Variants in CAPRIN2 observed in about 807,000 individuals in gnomAD.
The protein encoded by CAPRIN2 is caprin family member 2, also known as caprin-2.
CAPRIN2 carries 66 observed loss-of-function variants against 130.4 expected under a neutral mutation model. The observed-to-expected ratio is 0.51, with a 90% CI of 0.42 to 0.62. The LOEUF is 0.62. Ranked by LOEUF, CAPRIN2 falls within the 20% of genes least tolerant of loss-of-function variation. The pLI is 0.00. For synonymous variants in CAPRIN2, 471 were observed against 444.1 expected (o/e 1.06, Z -0.76); for missense variants, 1,185 against 1,246.6 (o/e 0.95, Z 0.74).
intron 1 of CAPRIN2, among the ~76,000 whole-genome samples, chr12:30,752,187 G>C (rs999884742): frequency 2.0e-5 from 3 of 151,908 alleles, no homozygotes; most frequent in African/African-American, 7.3e-5. Flanking sequence ...CTCCCAAAGC[G>C]CAGGGATTAC....
chr12:30,746,877 T>C (rs2070765688), intron 2 of CAPRIN2, among the ~76,000 whole-genome samples: 1 of 152,202 alleles, frequency 6.6e-6, no homozygotes, highest in African/African-American at 2.4e-5. Flanking sequence ...CTAAGATAAT[T>C]GATGGAGCTG....
At chr12:30,731,590 A>T in intron 5 of CAPRIN2, 80 bp from the exon 7 acceptor site, 1 of 1,137,128 alleles carries the variant, frequency 8.8e-7, no homozygotes, top group Non-Finnish European at 1.3e-6. Flanking sequence ...ATTTTATCCT[A>T]GTTGTAGTAC....
At chr12:30,734,015 G>A (rs2063596614) in intron 4 of CAPRIN2, among the ~76,000 whole-genome samples, 1 of 152,164 alleles carries the variant, frequency 6.6e-6, no homozygotes, top group African/African-American at 2.4e-5. Context: ...TCAGGTGTAT[G>A]CCCTACATAA....
chr12:30,710,630 G>A lies in CAPRIN2; in HGVS notation c.2666-160C>T, dbSNP rs2054022258. 2 of 1,131,522 alleles carry A rather than the reference G, an allele frequency of 1.8e-6. No individual in the cohort carries two copies. Among genetic ancestry groups the A allele is most frequent in the Non-Finnish European group, 2.4e-6 (2 of 822,704 alleles). 70.1% of individuals were successfully genotyped at this position (1,131,522 alleles called of 1,614,324 possible). On this transcript the variant is annotated intron_variant, in intron 16 of 16. Transcript: ENST00000298892. The surrounding 1 kb of genome is among the most constrained non-coding windows in gnomAD (Gnocchi z 4.8). ...AGATTATACTTTTCTAGATTTTTCT[G>A]GTAATAGGTTTTTACATACTCTTCT... is the stretch of plus-strand genomic sequence containing the variant.
At chr12:30,727,699 A>G (rs1038264624) in intron 8 of CAPRIN2, among the ~76,000 whole-genome samples, 2 of 152,266 alleles carry the variant, frequency 1.3e-5, no homozygotes, top group African/African-American at 4.8e-5. Flanking sequence ...TATCCTTAAA[A>G]GAATGTGGCC....
In CAPRIN2 at chr12:30,741,126, A is replaced by T. The variant is rs769582663; in HGVS notation, c.484-20T>A. 6.8e-7 allele frequency: 1 copy of T among 1,464,726 alleles called. No homozygotes were observed. Among genetic ancestry groups the T allele is most frequent in the African/African-American group, 1.4e-5 (1 of 71,452 alleles). 90.7% of individuals were successfully genotyped at this position (1,464,726 alleles called of 1,614,324 possible). ...AGCTTCCTACCAAATAGGATAAGAA[A>T]ACATAAATTTTGTGACTGTTTAAGT... On this transcript the variant is annotated intron_variant, in intron 2 of 16. Transcript: ENST00000298892.
At chr12:30,752,572 T>TAAAAAAA (rs201247925) in intron 1 of CAPRIN2, among the ~76,000 whole-genome samples, 3 of 129,322 alleles carry the variant, frequency 2.3e-5, no homozygotes, top group Non-Finnish European at 3.2e-5. Flanking sequence ...TTTCTTAGGT[T>TAAAAAAA]AAAAAAAAAA....
chr12:30,742,673 C>CT (rs2068062826), intron 2 of CAPRIN2, among the ~76,000 whole-genome samples: 2 of 146,300 alleles, frequency 1.4e-5, no homozygotes, highest in Admixed American at 1.4e-4. Flanking sequence ...AAACACAACT[C>CT]TAACAGGGCA....
chr12:30,723,844 C>G (rs988513214), intron 10 of CAPRIN2, among the ~76,000 whole-genome samples: 2 of 152,210 alleles, frequency 1.3e-5, no homozygotes. Context: ...CACCAATCTT[C>G]AAGCTGGTAT....
intron 3 of CAPRIN2, 134 bp downstream of exon 4, chr12:30,740,886 C>T: frequency 1.7e-6 from 1 of 599,058 alleles, no homozygotes; most frequent in Non-Finnish European, 2.9e-6. Context: ...CCTCAACCTT[C>T]CATCACGATA....
At chr12:30,720,902 G>A in exon 12 of CAPRIN2, 1 of 1,611,362 alleles carries the variant, frequency 6.2e-7, no homozygotes, top group Non-Finnish European at 8.5e-7. Context: ...ACAAGTAACT[G>A]GAGAAGAAGT....
intron 12 of CAPRIN2, among the ~76,000 whole-genome samples, chr12:30,717,511 C>T (rs944885040): frequency 6.6e-6 from 1 of 151,706 alleles, no homozygotes; most frequent in Non-Finnish European, 1.5e-5. Context: ...GATGATTGCA[C>T]ATTATGAATA....
chr12:30,720,890 C>T (rs1168168916), exon 12 of CAPRIN2: 1 of 1,613,252 alleles, frequency 6.2e-7, no homozygotes, highest in South Asian at 1.1e-5. Context: ...AGCATTTGAG[C>T]TACAAGTAAC....
At chr12:30,753,237 GGTTA>G (rs1361616776) in intron 1 of CAPRIN2, 103 bp downstream of exon 2, 27 of 857,194 alleles carry the variant, frequency 3.1e-5, no homozygotes, top group African/African-American at 5.1e-5. Context: ...CTAAACCTAA[GGTTA>G]GTTAAATTTT....
chr12:30,711,750 C>CAGGTAA, intron 15 of CAPRIN2, 121 bp from the exon 18 acceptor site: 1 of 792,004 alleles, frequency 1.3e-6, no homozygotes, highest in South Asian at 1.4e-5. Context: ...TGGCCTTCCC[C>CAGGTAA]AGCAACCAAA....
chr12:30,731,421 C>T (rs923378223), exon 6 of CAPRIN2: 3 of 1,612,834 alleles, frequency 1.9e-6, no homozygotes, highest in Non-Finnish European at 2.5e-6. Context: ...TCCAGTGGTA[C>T]TTCCTTTTCC....
chr12:30,741,705 C>T (rs912512227), intron 2 of CAPRIN2, among the ~76,000 whole-genome samples: 2 of 151,904 alleles, frequency 1.3e-5, no homozygotes, highest in African/African-American at 4.8e-5. Flanking sequence ...AGAGAAAGGA[C>T]CAATCTGAAA....
exon 14 of CAPRIN2, chr12:30,715,075 G>T: frequency 6.2e-7 from 1 of 1,613,806 alleles, no homozygotes; most frequent in South Asian, 1.1e-5. Flanking sequence ...AAACACATTC[G>T]TCTGTGCTGG....
At chr12:30,717,092 C>A (rs1315781240) in intron 12 of CAPRIN2, among the ~76,000 whole-genome samples, 1 of 152,074 alleles carries the variant, frequency 6.6e-6, no homozygotes, top group African/African-American at 2.4e-5. Context: ...TAGGTATATA[C>A]CCAAAATAAC....
Sources: gnomAD v4.1 joint callset for allele counts (sites outside exome capture counted in the v4.1 genomes callset) on GRCh38, gnomAD v4.1.1 for gene constraint, Gnocchi (gnomAD v3.1) non-coding constraint, MANE v1.5 for transcripts, NCBI Gene and HGNC (gene_info 2026-07-23, HGNC 2026-07-21) for gene names.